RIMBP2: variants seen among roughly 807,000 people sequenced by gnomAD.
The protein encoded by RIMBP2 is RIMS-binding protein 2.
RIMBP2 carries 48 observed loss-of-function variants against 118.6 expected under a neutral mutation model. The ratio of observed to expected loss-of-function variants is 0.40; its 90% CI spans 0.32 to 0.51. RIMBP2 has a LOEUF of 0.51. Ranked by LOEUF, RIMBP2 falls within the 20% of genes least tolerant of loss-of-function variation. The pLI is 0.41. For synonymous variants in RIMBP2, 762 were observed against 742.9 expected (o/e 1.03, Z -0.42); for missense variants, 1,551 against 1,768.3 (o/e 0.88, Z 2.20).
intron 9 of RIMBP2, among the ~76,000 whole-genome samples, chr12:130,449,792 C>CAGGATGG (rs2078841797): frequency 6.6e-6 from 1 of 152,016 alleles, no homozygotes; most frequent in African/African-American, 2.4e-5. Flanking sequence ...GGCGGCCAGG[C>CAGGATGG]AGGATGGAGG....
intron 2 of RIMBP2, among the ~76,000 whole-genome samples, chr12:130,552,483 C>T (rs989445934): frequency 2.0e-5 from 3 of 152,124 alleles, no homozygotes; most frequent in African/African-American, 7.2e-5. Flanking sequence ...ATAATAATGA[C>T]AAGATAATGG....
chr12:130,701,973 A>C (rs1355181033), intron 1 of RIMBP2, among the ~76,000 whole-genome samples: 1 of 152,164 alleles, frequency 6.6e-6, no homozygotes, highest in Non-Finnish European at 1.5e-5. Context: ...AAGGCCCACC[A>C]AAACATAATG....
At chr12:130,663,553 C>T (rs4759745) in intron 1 of RIMBP2, among the ~76,000 whole-genome samples, 94,150 of 151,022 alleles carry the variant, frequency 0.62, 29,903 homozygotes, top group Non-Finnish European at 0.67. Context: ...CAAAAAGACA[C>T]TAAAATGCCA....
intron 4 of RIMBP2, among the ~76,000 whole-genome samples, chr12:130,494,288 C>A (rs192524446): frequency 2.0e-4 from 30 of 152,242 alleles, no homozygotes; most frequent in African/African-American, 6.5e-4. Flanking sequence ...CACGGTTCTC[C>A]CTGCACTGCT....
In RIMBP2 at chr12:130,581,359, A is replaced by AG. The variant is rs2058470040; in HGVS notation, c.-217+46962dup. Reference sequence around the variant, plus strand: ...AGCAATGGTTTCCAACCTTACTCTCAGATCACTGCTGTCTTAAGAGTTGAT... The same window carrying AG: ...AGCAATGGTTTCCAACCTTACTCTCAGGATCACTGCTGTCTTAAGAGTTGAT... On this transcript the variant is annotated intron_variant, in intron 2 of 22. Coordinates refer to ENST00000690449, the MANE Select transcript of RIMBP2 (RefSeq NM_001393629.1). This position sits in a 1 kb window ranked among gnomAD's most constrained non-coding sequence, Gnocchi z 4.4. Among the ~76,000 whole-genome samples the AG allele has an allele frequency of 6.6e-6, 1 of 152,196 alleles. No homozygotes were observed. The highest frequency in any genetic ancestry group is 1.5e-5 in the Non-Finnish European group (1 of 68,036).
rs115458879 is a variant in RIMBP2, at chr12:130,485,174, C to T, written c.-3-6158G>A. On this transcript the variant is annotated intron_variant, in intron 4 of 22. Transcript: ENST00000690449. ...CACCAACAGGATGATGGACAGCTAC[C>T]GCCGCATTGGTAAAATGACGGTGAG... 4.6e-3 allele frequency among the ~76,000 whole-genome samples: 708 copies of T among 152,316 alleles called. 6 individuals are homozygous for T. The highest frequency in any genetic ancestry group is 0.016 in the African/African-American group (664 of 41,564).
rs78816890 is a variant in RIMBP2 at position 130,524,775 on chromosome 12, A to G, written c.-216-6858T>C. Among the ~76,000 whole-genome samples, 683 of 152,336 alleles carry G rather than the reference A, an allele frequency of 4.5e-3. 6 individuals are homozygous for G. The highest frequency in any genetic ancestry group is 0.016 in the African/African-American group (665 of 41,586). On this transcript the variant is annotated intron_variant, in intron 2 of 22. Transcript: ENST00000690449. ...CAGTGGCCAGAATTGAGATTATGGC[A>G]GCAGAAAGCAGAAAGAGGAAGGCGG...
chr12:130,449,833 C>G (rs139712617), intron 9 of RIMBP2, among the ~76,000 whole-genome samples: 4 of 152,140 alleles, frequency 2.6e-5, no homozygotes, highest in Non-Finnish European at 5.9e-5. Flanking sequence ...CACGCAGCTA[C>G]AAGCCAGGGC....
intron 2 of RIMBP2, among the ~76,000 whole-genome samples, chr12:130,521,381 C>T (rs1287382337): frequency 6.6e-6 from 1 of 152,196 alleles, no homozygotes; most frequent in Non-Finnish European, 1.5e-5. Flanking sequence ...GCAGCCGGCA[C>T]CAGTGGCACT....
chr12:130,616,056 C>T (rs1201475881), intron 2 of RIMBP2, among the ~76,000 whole-genome samples: 2 of 152,176 alleles, frequency 1.3e-5, no homozygotes, highest in Non-Finnish European at 2.9e-5. Context: ...TGCACACACA[C>T]CCTAGCCTTT....
chr12:130,484,565 C>T (rs1359381613), intron 4 of RIMBP2, among the ~76,000 whole-genome samples: 1 of 152,234 alleles, frequency 6.6e-6, no homozygotes, highest in Admixed American at 6.5e-5. Flanking sequence ...GCACCTTGCC[C>T]CACTGTGTCC....
At chr12:130,601,078 G>A (rs754154959) in intron 2 of RIMBP2, among the ~76,000 whole-genome samples, 5 of 152,220 alleles carry the variant, frequency 3.3e-5, no homozygotes, top group Non-Finnish European at 5.9e-5. Context: ...CTCAACTCAC[G>A]GTGAGCATTT....
chr12:130,575,680 T>C (rs532905302), intron 2 of RIMBP2, among the ~76,000 whole-genome samples: 59 of 152,184 alleles, frequency 3.9e-4, no homozygotes, highest in Non-Finnish European at 7.4e-4. Context: ...ACATGCTAAG[T>C]AGTGATAAGC....
intron 4 of RIMBP2, among the ~76,000 whole-genome samples, chr12:130,487,025 G>T (rs1420317841): frequency 6.6e-6 from 1 of 152,232 alleles, no homozygotes; most frequent in Non-Finnish European, 1.5e-5. Flanking sequence ...ACTCCTGGCT[G>T]CAGCCAACAG....
At chr12:130,528,660 A>G (rs2053061013) in intron 2 of RIMBP2, among the ~76,000 whole-genome samples, 1 of 152,228 alleles carries the variant, frequency 6.6e-6, no homozygotes, top group African/African-American at 2.4e-5. Flanking sequence ...TGTATCTGCA[A>G]TGCATACTCT....
rs567409041 is a variant in RIMBP2, at chr12:130,457,047, T to C, written c.154-347A>G. ...ACTCAGCTCCCAGCCAACCGTAGAT[T>C]GTTCTGGGCTGTGCGTGCAGCCCGG... On this transcript the variant is annotated intron_variant, in intron 6 of 22. Coordinates refer to ENST00000690449, the MANE Select transcript of RIMBP2 (RefSeq NM_001393629.1). Among the ~76,000 whole-genome samples, 8 of 152,284 alleles carry C rather than the reference T, an allele frequency of 5.3e-5. No individual in the cohort carries two copies. The South Asian group carries it at 1.7e-3, about 32-fold the overall frequency.
At chr12:130,526,839 T>A (rs1033748347) in intron 2 of RIMBP2, among the ~76,000 whole-genome samples, 3 of 152,172 alleles carry the variant, frequency 2.0e-5, no homozygotes. Context: ...TGCTTGGTAA[T>A]ATTTTTTCTT....
intron 1 of RIMBP2, among the ~76,000 whole-genome samples, chr12:130,711,776 C>G (rs923426550): frequency 3.1e-4 from 47 of 152,234 alleles, no homozygotes; most frequent in African/African-American, 1.1e-3. Flanking sequence ...GCAGTCACGC[C>G]TTGCTTAACA....
intron 2 of RIMBP2, among the ~76,000 whole-genome samples, chr12:130,567,738 C>A (rs1438336892): frequency 6.6e-6 from 1 of 152,200 alleles, no homozygotes; most frequent in East Asian, 1.9e-4. Flanking sequence ...CTCCACCCTG[C>A]CTCTAAGTCT....
Sources: allele counts gnomAD v4.1 joint callset (sites outside exome capture counted in the v4.1 genomes callset), GRCh38; gene constraint gnomAD v4.1.1; non-coding constraint Gnocchi (gnomAD v3.1); transcripts MANE v1.5; gene names NCBI Gene and HGNC (gene_info 2026-07-23, HGNC 2026-07-21).